Variants in DMD observed in about 807,000 individuals in gnomAD.
The protein encoded by DMD is dystrophin.
DMD carries 63 observed loss-of-function variants against 330.1 expected under a neutral mutation model. The ratio of observed to expected loss-of-function variants is 0.19; its 90% CI spans 0.16 to 0.24. The LOEUF is 0.24. DMD is among the 10% of genes least tolerant of loss of function. The pLI, the probability that DMD is intolerant of heterozygous loss-of-function variation, is 1.00. For synonymous variants in DMD, 1,223 were observed against 959.8 expected (o/e 1.27, Z -5.07); for missense variants, 3,344 against 2,684.1 (o/e 1.25, Z -5.43).
chrX:32,576,265 G>C (rs1349221510), intron 13 of DMD, among the ~76,000 whole-genome samples: 1 of 111,332 alleles, frequency 9.0e-6, no homozygotes. Flanking sequence ...CAATTTCACG[G>C]ATAGACTTGC....
intron 51 of DMD, among the ~76,000 whole-genome samples, chrX:31,749,879 T>C (rs1311599737): frequency 9.4e-6 from 1 of 106,099 alleles, no homozygotes; most frequent in Non-Finnish European, 1.9e-5. Context: ...TTGATTTGCA[T>C]TTCTCTGATG....
chrX:31,317,884 C>T (rs2056151843), intron 62 of DMD, among the ~76,000 whole-genome samples: 2 of 112,043 alleles, frequency 1.8e-5, no homozygotes, highest in East Asian at 2.8e-4. Flanking sequence ...TGTCAGAAGA[C>T]GTGTCTACTG....
chrX:32,573,633 A>G lies in DMD; in HGVS notation c.1709T>C (p.Leu570Pro). 8.3e-7 allele frequency: 1 copy of G among 1,204,602 alleles called. No homozygotes were observed. The highest frequency in any genetic ancestry group is 1.1e-6 in the Non-Finnish European group (1 of 888,830). Residue 570 changes from leucine (L) to proline (P), a missense_variant, in exon 15 of 79, where the codon CTT (leucine) becomes CCT (proline). Transcript: ENST00000357033. The stretch of plus-strand genomic sequence containing the variant: ...TTTTTCTGAAAGCCATGCACTAAAA[A>G]GGCACTGCAAGACATTAAAGAATTC... Reference protein sequence around the residue: ...KWQRLTEEQCLFSAWLSEKED... With the variant: ...KWQRLTEEQCPFSAWLSEKED...
At chrX:31,670,947 C>G (rs1296808955) in intron 53 of DMD, among the ~76,000 whole-genome samples, 2 of 107,221 alleles carry the variant, frequency 1.9e-5, no homozygotes, top group Non-Finnish European at 3.8e-5. Flanking sequence ...GAGTCTCGCT[C>G]TTTCGCCCAG....
intron 2 of DMD, among the ~76,000 whole-genome samples, chrX:32,997,248 AT>A (rs375762177): frequency 3.1e-3 from 309 of 98,497 alleles, no homozygotes; most frequent in South Asian, 7.7e-3. Context: ...GCCTCCCGCC[AT>A]TTTTTTTTTT....
At chrX:31,489,758 A>C (rs1299146647) in intron 57 of DMD, among the ~76,000 whole-genome samples, 1 of 112,122 alleles carries the variant, frequency 8.9e-6, no homozygotes. Flanking sequence ...AAGGAAGAGC[A>C]CAGAAAAAAA....
chrX:31,856,684 C>T (rs958136153), intron 48 of DMD, among the ~76,000 whole-genome samples: 4 of 112,307 alleles, frequency 3.6e-5, no homozygotes, highest in Non-Finnish European at 5.6e-5. Context: ...CAAATAACAT[C>T]TGTTCAGTTT....
intron 2 of DMD, among the ~76,000 whole-genome samples, chrX:32,895,271 T>A (rs1305720506): frequency 8.9e-6 from 1 of 112,511 alleles, no homozygotes; most frequent in Non-Finnish European, 1.9e-5. Flanking sequence ...AGAATCTATT[T>A]TATACAGTAA....
intron 2 of DMD, among the ~76,000 whole-genome samples, chrX:32,878,098 G>C (rs1342941116): frequency 8.9e-6 from 1 of 112,313 alleles, no homozygotes. Context: ...GGAATGGGCC[G>C]GGCGCGGTGG....
At chrX:31,324,248 G>T (rs2056617685) in intron 61 of DMD, among the ~76,000 whole-genome samples, 1 of 111,506 alleles carries the variant, frequency 9.0e-6, no homozygotes, top group South Asian at 3.8e-4. Context: ...GTGACCAAAA[G>T]TGAGGGAATG....
At chrX:32,523,048 G>A (rs1450758888) in intron 17 of DMD, among the ~76,000 whole-genome samples, 3 of 111,839 alleles carry the variant, frequency 2.7e-5, no homozygotes, top group Admixed American at 9.5e-5. Context: ...GTGCCTCAAG[G>A]TACTAGGCTG....
chrX:31,602,460 T>C (rs1321879955), intron 55 of DMD, among the ~76,000 whole-genome samples: 2 of 110,305 alleles, frequency 1.8e-5, no homozygotes, highest in Non-Finnish European at 3.8e-5. Flanking sequence ...CACAAACAGG[T>C]TATAAAAAGT....
At chrX:31,772,017 T>A (rs1002504845) in intron 51 of DMD, among the ~76,000 whole-genome samples, 5 of 112,047 alleles carry the variant, frequency 4.5e-5, no homozygotes, top group African/African-American at 1.6e-4. Flanking sequence ...GGAAGCTATG[T>A]CAATGGTAGA....
chrX:32,628,843 T>G (rs1335134084), intron 11 of DMD, among the ~76,000 whole-genome samples: 1 of 112,063 alleles, frequency 8.9e-6, no homozygotes, highest in Non-Finnish European at 1.9e-5. Flanking sequence ...TTCTTCCTAC[T>G]GATATCTTGA....
chrX:31,715,064 T>C (rs1187294302), intron 52 of DMD, among the ~76,000 whole-genome samples: 1 of 111,668 alleles, frequency 9.0e-6, no homozygotes, highest in Non-Finnish European at 1.9e-5. Flanking sequence ...ACTTTGTTTA[T>C]ATAATGCAAA....
chrX:31,787,059 C>T (rs2091339094), intron 50 of DMD, among the ~76,000 whole-genome samples: 2 of 111,891 alleles, frequency 1.8e-5, no homozygotes, highest in South Asian at 3.7e-4. Flanking sequence ...TTCAGGCATT[C>T]GATAGTAGAA....
chrX:33,262,578 G>A (rs2052976125), intron 1 of DMD, among the ~76,000 whole-genome samples: 1 of 110,850 alleles, frequency 9.0e-6, no homozygotes, highest in South Asian at 3.7e-4. Context: ...ATTGGCAAAT[G>A]AAGAACAGAA....
At chrX:32,486,830 C>T (rs1188331051) in intron 20 of DMD, among the ~76,000 whole-genome samples, 1 of 106,018 alleles carries the variant, frequency 9.4e-6, no homozygotes, top group African/African-American at 3.4e-5. Flanking sequence ...CCCTTCCTTA[C>T]AACTTATACA....
intron 2 of DMD, among the ~76,000 whole-genome samples, chrX:32,951,439 C>T (rs7882386): frequency 0.029 from 3,229 of 111,830 alleles, 113 homozygotes; most frequent in African/African-American, 0.1. Context: ...ATTTGTTATT[C>T]CTAGGGTGTT....
Sources: gnomAD v4.1 joint callset for allele counts (sites outside exome capture counted in the v4.1 genomes callset) on GRCh38, gnomAD v4.1.1 for gene constraint, MANE v1.5 for transcripts, NCBI Gene and HGNC (gene_info 2026-07-23, HGNC 2026-07-21) for gene names.